The following EYS variants were observed in gnomAD, a reference collection of about 807,000 sequenced individuals.
The protein encoded by EYS is EGF-like photoreceptor maintenance factor.
EYS carries 250 observed loss-of-function variants against 282.1 expected under a neutral mutation model. That is an observed-to-expected ratio of 0.89 (90% CI 0.80 to 0.98). EYS has a LOEUF of 0.98. Among genes scored for constraint, EYS ranks in the 50% least tolerant of loss-of-function variants. EYS has a pLI of 0.00. For synonymous variants in EYS, 1,355 were observed against 1,282.9 expected, an observed-to-expected ratio of 1.06 and a Z score of -1.20; for missense variants, 4,016 against 3,709.0, an observed-to-expected ratio of 1.08 and a Z score of -2.15.
chr6:65,065,066 T>A (rs1773704497), intron 12 of EYS, among the ~76,000 whole-genome samples: 2 of 152,140 alleles, frequency 1.3e-5, no homozygotes, highest in Non-Finnish European at 2.9e-5. Flanking sequence ...AGGAAACCCC[T>A]AGGCCTCTTT....
At chr6:64,118,061 G>C (rs1053849598) in intron 31 of EYS, among the ~76,000 whole-genome samples, 5 of 151,982 alleles carry the variant, frequency 3.3e-5, no homozygotes, top group African/African-American at 7.2e-5. Flanking sequence ...AGAGATGGAA[G>C]GCTATTCCAT....
At chr6:65,488,681 C>A (rs1582367102) in intron 5 of EYS, among the ~76,000 whole-genome samples, 3 of 152,100 alleles carry the variant, frequency 2.0e-5, no homozygotes, top group South Asian at 2.1e-4. Context: ...CAATCCTGGG[C>A]AAGAAGAACA....
chr6:63,844,334 A>G (rs1444319515), intron 36 of EYS, among the ~76,000 whole-genome samples: 1 of 152,336 alleles, frequency 6.6e-6, no homozygotes, highest in East Asian at 1.9e-4. Context: ...AAGCATCTTT[A>G]TAATAGAATC....
At chr6:65,063,021 G>A (rs1413085407) in intron 12 of EYS, among the ~76,000 whole-genome samples, 1 of 151,890 alleles carries the variant, frequency 6.6e-6, no homozygotes, top group Non-Finnish European at 1.5e-5. Flanking sequence ...ACAGCGCAAA[G>A]TTGGGCCACA....
chr6:65,694,500 A>C (rs2149846958), intron 1 of EYS, among the ~76,000 whole-genome samples: 1 of 150,008 alleles, frequency 6.7e-6, no homozygotes, highest in East Asian at 2.3e-4. Context: ...CATTTAAACT[A>C]AATTACTCCT....
intron 26 of EYS, among the ~76,000 whole-genome samples, chr6:64,549,858 G>T (rs1765012573): frequency 6.6e-6 from 1 of 151,550 alleles, no homozygotes; most frequent in South Asian, 2.1e-4. Flanking sequence ...TTAACATTAG[G>T]TATATCTCCT....
intron 31 of EYS, among the ~76,000 whole-genome samples, chr6:64,199,964 G>T (rs1158659628): frequency 6.6e-6 from 1 of 152,062 alleles, no homozygotes. Context: ...AACAAACTGT[G>T]ATGTACTAAG....
In EYS at chr6:63,958,094, T is replaced by C. The variant is rs1426376120; in HGVS notation, c.7055+26289A>G. On this transcript the variant is annotated intron_variant, in intron 35 of 42. Transcript: ENST00000503581. ...TATAATCTATGACCATGGTTAATAG[T>C]CAAGCTAATGTGCTAATGTGGGGAG... 1.4e-5 allele frequency among the ~76,000 whole-genome samples: 2 copies of C among 140,704 alleles called. 1 individual carries two copies. Among genetic ancestry groups the C allele is most frequent in the Non-Finnish European group, 3.2e-5 (2 of 61,898 alleles). 92.3% of individuals were successfully genotyped at this position (140,704 alleles called of 152,430 possible).
At chr6:64,420,203 C>G (rs1016881173) in intron 28 of EYS, among the ~76,000 whole-genome samples, 56 of 151,960 alleles carry the variant, frequency 3.7e-4, no homozygotes, top group African/African-American at 1.4e-3. Flanking sequence ...CCCTCTGAAG[C>G]CACAGCCAGA....
chr6:65,513,827 C>T lies in EYS; in HGVS notation c.-332-17834G>A, dbSNP rs140773893. ...GAGCTATCTATGACAAACCCACAGC[C>T]GACATCATACTGAATGGGCAGAACC... On this transcript the variant is annotated intron_variant, in intron 2 of 42. Transcript: ENST00000503581. Among the ~76,000 whole-genome samples, 411 of 151,734 alleles carry T rather than the reference C, an allele frequency of 2.7e-3. 2 individuals carry two copies. The highest frequency in any genetic ancestry group is 9.2e-3 in the African/African-American group (379 of 41,350).
intron 26 of EYS, among the ~76,000 whole-genome samples, chr6:64,487,806 T>C (rs1249021366): frequency 6.6e-6 from 1 of 151,056 alleles, no homozygotes; most frequent in African/African-American, 2.4e-5. Flanking sequence ...ATACCTATTA[T>C]TTGAGTATTT....
At chr6:64,454,621 G>A (rs1277251270) in intron 26 of EYS, among the ~76,000 whole-genome samples, 5 of 152,010 alleles carry the variant, frequency 3.3e-5, no homozygotes, top group Non-Finnish European at 1.5e-5. Flanking sequence ...AATACAACAT[G>A]TATACTTGTG....
intron 4 of EYS, among the ~76,000 whole-genome samples, chr6:65,492,010 A>G (rs1322387987): frequency 2.6e-5 from 4 of 152,150 alleles, no homozygotes; most frequent in Admixed American, 6.5e-5. Context: ...ATATCTGCCA[A>G]TCTTTGACTT....
intron 28 of EYS, among the ~76,000 whole-genome samples, chr6:64,420,669 C>T (rs1774202094): frequency 6.6e-6 from 1 of 152,116 alleles, no homozygotes; most frequent in South Asian, 2.1e-4. Context: ...GAATGCCTTG[C>T]CACTTAGAAA....
intron 5 of EYS, among the ~76,000 whole-genome samples, chr6:65,454,687 TGA>T (rs1256971628): frequency 6.6e-6 from 1 of 152,050 alleles, no homozygotes; most frequent in Non-Finnish European, 1.5e-5. Flanking sequence ...TTGTATATGG[TGA>T]GAGTTTGGGG....
At chr6:63,898,324 G>C (rs955473529) in intron 35 of EYS, among the ~76,000 whole-genome samples, 1 of 151,594 alleles carries the variant, frequency 6.6e-6, no homozygotes, top group African/African-American at 2.4e-5. Context: ...CCATTTCTAC[G>C]AAAAATACAA....
Position 65,334,973 on chromosome 6 carries a change from TA to T in EYS, c.1766+6del. On this transcript the variant is annotated splice_donor_region_variant and intron_variant, in intron 11 of 42. Transcript: ENST00000503581. ...TGATATTATCTGCTCAAATGATACATAAATACCTGGGTCTATTAATTTCATC... is the reference window on the plus strand; with the variant it reads ...TGATATTATCTGCTCAAATGATACATAATACCTGGGTCTATTAATTTCATC... The T allele has an allele frequency of 6.2e-7, 1 of 1,604,518 alleles. No individual in the cohort carries two copies. Among genetic ancestry groups the T allele is most frequent in the African/African-American group, 1.3e-5 (1 of 74,778 alleles).
At chr6:65,514,695 C>A (rs1405430561) in intron 2 of EYS, among the ~76,000 whole-genome samples, 1 of 152,050 alleles carries the variant, frequency 6.6e-6, no homozygotes, top group African/African-American at 2.4e-5. Flanking sequence ...GGGGAAAGGA[C>A]TCCCTATTTA....
chr6:65,242,929 C>T lies in EYS; in HGVS notation c.2023+52934G>A, dbSNP rs561232655. Among the ~76,000 whole-genome samples the T allele has an allele frequency of 3.0e-4, 46 of 152,008 alleles. No homozygotes were observed. The South Asian group carries it at 9.3e-3, about 31-fold the overall frequency. On this transcript the variant is annotated intron_variant, in intron 12 of 42. Transcript: ENST00000503581. ...ACTGCTGTCTTCTTTGAAGAGGTAA[C>T]TACTTAAATGCTTTGCTCATATTTT...
Sources: allele counts gnomAD v4.1 joint callset (sites outside exome capture counted in the v4.1 genomes callset), GRCh38; gene constraint gnomAD v4.1.1; transcripts MANE v1.5; gene names NCBI Gene and HGNC (gene_info 2026-07-23, HGNC 2026-07-21).